The following GLI2 variants were observed in gnomAD, a reference collection of about 807,000 sequenced individuals.
The protein encoded by GLI2 is GLI family zinc finger 2.
A neutral mutation model predicts 78.9 loss-of-function variants in GLI2; 22 were observed. That is an observed-to-expected ratio of 0.28 (90% CI 0.20 to 0.40). The LOEUF (loss-of-function observed/expected upper bound fraction) is 0.40. Ranked by LOEUF, GLI2 falls within the 10% of genes least tolerant of loss-of-function variation. The pLI, the probability that GLI2 is intolerant of heterozygous loss-of-function variation, is 1.00. For synonymous variants in GLI2, 974 were observed against 963.7 expected (o/e 1.01, Z -0.20); for missense variants, 2,097 against 2,213.2 (o/e 0.95, Z 1.05).
intron 1 of GLI2, among the ~76,000 whole-genome samples, chr2:120,765,323 C>T (rs114715200): frequency 0.013 from 1,951 of 152,338 alleles, 47 homozygotes; most frequent in African/African-American, 0.045. Context: ...GACAGGGTCT[C>T]CCTGGGCTGC....
rs200540682 is a variant in GLI2, at chr2:120,927,465, G to A, written c.253G>A (p.Gly85Arg). 174 of 1,603,086 alleles carry A rather than the reference G, an allele frequency of 1.1e-4. No homozygotes were observed. The highest frequency in any genetic ancestry group is 9.4e-5 in the Non-Finnish European group (110 of 1,170,116). ...YEPHSVHGVH[G>R]PPALSGSPVI... ...GCCTCATTCTGTCCACGGTGTGCAC[G>A]GGTAAGTCCTGCCCTCTGCCTGCTG... is the stretch of plus-strand genomic sequence containing the variant. Residue 85 changes from glycine (G) to arginine (R), a missense_variant and splice_region_variant, in exon 3 of 14, where the codon GGG becomes AGG. Transcript: ENST00000361492.
chr2:120,908,499 C>G (rs1332599935), intron 2 of GLI2, among the ~76,000 whole-genome samples: 1 of 152,312 alleles, frequency 6.6e-6, no homozygotes, highest in South Asian at 2.1e-4. Flanking sequence ...GGGTCCCTCT[C>G]AGCACCTGAA....
intron 2 of GLI2, among the ~76,000 whole-genome samples, chr2:120,903,443 C>T (rs552580770): frequency 6.6e-6 from 1 of 152,216 alleles, no homozygotes; most frequent in Non-Finnish European, 1.5e-5. Context: ...GACCCTCCCC[C>T]TGAGAGCCCC....
chr2:120,940,292 G>A (rs1177623138), intron 3 of GLI2, among the ~76,000 whole-genome samples: 1 of 152,122 alleles, frequency 6.6e-6, no homozygotes, highest in African/African-American at 2.4e-5. Context: ...GTAGGTTACC[G>A]ACATTTCTAC....
intron 2 of GLI2, among the ~76,000 whole-genome samples, chr2:120,806,728 G>A (rs150578583): frequency 1.1e-4 from 16 of 152,330 alleles, no homozygotes; most frequent in African/African-American, 2.6e-4. Context: ...GGTGCAGGCC[G>A]AGGTCCCGGA....
At chr2:120,788,732 A>G (rs1397612510) in intron 1 of GLI2, among the ~76,000 whole-genome samples, 3 of 152,108 alleles carry the variant, frequency 2.0e-5, no homozygotes, top group African/African-American at 7.2e-5. Context: ...AAATTCAAGG[A>G]GCGATAAAGA....
At chr2:120,977,106 C>A (rs1429908282) in intron 9 of GLI2, among the ~76,000 whole-genome samples, 1 of 152,206 alleles carries the variant, frequency 6.6e-6, no homozygotes, top group East Asian at 1.9e-4. Context: ...TCGCACAGGG[C>A]ATGAGGGCCT....
At chr2:120,804,865 C>T (rs1045920702) in intron 2 of GLI2, among the ~76,000 whole-genome samples, 1 of 152,202 alleles carries the variant, frequency 6.6e-6, no homozygotes, top group Non-Finnish European at 1.5e-5. Flanking sequence ...TCTTCCTGCT[C>T]CCAGCAGAGT....
chr2:120,807,783 C>T (rs1426221758), intron 2 of GLI2, among the ~76,000 whole-genome samples: 1 of 152,194 alleles, frequency 6.6e-6, no homozygotes, highest in African/African-American at 2.4e-5. Flanking sequence ...CCTCCCTCTG[C>T]TCACAGCCAC....
intron 2 of GLI2, among the ~76,000 whole-genome samples, chr2:120,914,261 C>T (rs902787684): frequency 2.6e-5 from 4 of 152,200 alleles, no homozygotes; most frequent in Non-Finnish European, 4.4e-5. Context: ...TAGGGGAAAG[C>T]CTGAATCCAT....
chr2:120,884,058 G>C (rs1677283083), intron 2 of GLI2, among the ~76,000 whole-genome samples: 1 of 152,318 alleles, frequency 6.6e-6, no homozygotes, highest in South Asian at 2.1e-4. Context: ...CCCCAGCCCT[G>C]GGGGAGACTT....
intron 1 of GLI2, among the ~76,000 whole-genome samples, chr2:120,778,065 G>T (rs1683734729): frequency 6.6e-6 from 1 of 152,244 alleles, no homozygotes; most frequent in African/African-American, 2.4e-5. Flanking sequence ...TTGTGATGGG[G>T]CAGGGCTTGT....
At chr2:120,963,764 C>G (rs1681705774) in intron 5 of GLI2, among the ~76,000 whole-genome samples, 2 of 152,266 alleles carry the variant, frequency 1.3e-5, no homozygotes, top group South Asian at 4.1e-4. Context: ...GTCCCTGTAC[C>G]TTGGGCAAGT....
intron 2 of GLI2, among the ~76,000 whole-genome samples, chr2:120,917,412 A>G (rs2104833656): frequency 6.6e-6 from 1 of 152,334 alleles, no homozygotes; most frequent in South Asian, 2.1e-4. Flanking sequence ...GAGATGGCAC[A>G]TGTGTGCATT....
At chr2:120,886,232 TTTTTGTTTTGTTTTGTTTTG>T (rs147636277) in intron 2 of GLI2, among the ~76,000 whole-genome samples, 31,150 of 143,184 alleles carry the variant, frequency 0.22, 4,607 homozygotes, top group African/African-American at 0.37. Context: ...TGGTTTTGGG[TTTTTGTTTTGTTTTGTTTTG>T]TTTTGTTTTG....
intron 3 of GLI2, among the ~76,000 whole-genome samples, chr2:120,943,243 C>A (rs191363345): frequency 3.3e-3 from 506 of 152,272 alleles, no homozygotes; most frequent in African/African-American, 0.012. Flanking sequence ...TGAGAGGTCC[C>A]TGAGCTGGCA....
Position 120,934,737 on chromosome 2 carries a change from C to T in GLI2, c.254+7271C>T, listed in dbSNP as rs143857600. On this transcript the variant is annotated intron_variant, in intron 3 of 13. Transcript: ENST00000361492. ...AGTGTCTGAAGCCCCACTTGGTCCC[C>T]GAGACTGCATGTTAATGGGGATGTT... Among the ~76,000 whole-genome samples, 16 of 152,224 alleles carry T rather than the reference C, an allele frequency of 1.1e-4. No individual in the cohort carries two copies. In the South Asian group the frequency reaches 2.7e-3, roughly 26 times the overall value.
intron 2 of GLI2, among the ~76,000 whole-genome samples, chr2:120,837,526 G>A (rs934895232): frequency 1.3e-5 from 2 of 152,040 alleles, no homozygotes; most frequent in Admixed American, 6.6e-5. Flanking sequence ...TAACACAGTC[G>A]AGTGTATGAT....
At chr2:120,775,385 G>A (rs1683646998) in intron 1 of GLI2, among the ~76,000 whole-genome samples, 1 of 152,218 alleles carries the variant, frequency 6.6e-6, no homozygotes, top group Non-Finnish European at 1.5e-5. Flanking sequence ...ACCTCTCCCG[G>A]TGCCGTTCAG....
Sources: allele counts gnomAD v4.1 joint callset (sites outside exome capture counted in the v4.1 genomes callset), GRCh38; gene constraint gnomAD v4.1.1; transcripts MANE v1.5; gene names NCBI Gene and HGNC (gene_info 2026-07-23, HGNC 2026-07-21).